ITPR2: variants seen among roughly 807,000 people sequenced by gnomAD.
ITPR2 encodes the protein inositol 1,4,5-trisphosphate-gated calcium channel ITPR2.
In ITPR2, 207 loss-of-function variants were observed where a neutral mutation model predicts 317.1. The ratio of observed to expected loss-of-function variants is 0.65; its 90% CI spans 0.58 to 0.73. ITPR2 has a LOEUF of 0.73. Among genes scored for constraint, ITPR2 ranks in the 30% least tolerant of loss-of-function variants. The pLI is 0.00. For missense variants in ITPR2, 2,613 were observed against 3,284.0 expected, an observed-to-expected ratio of 0.80 and a Z score of 4.99; for synonymous variants, 1,156 against 1,149.1, an observed-to-expected ratio of 1.01 and a Z score of -0.12.
In ITPR2 at chr12:26,486,988, G is replaced by GA. The variant is rs1268263617; in HGVS notation, c.5554+79dup. The GA allele has an allele frequency of 3.7e-6, 5 of 1,348,894 alleles. No individual in the cohort carries two copies. In the African/African-American group the frequency reaches 7.2e-5, roughly 19 times the overall value. 83.6% of individuals were successfully genotyped at this position (1,348,894 alleles called of 1,614,324 possible). On this transcript the variant is annotated intron_variant, in intron 40 of 56. Transcript: ENST00000381340. ...ATAATTAAACCAAGAGAAGAGAGAC[G>GA]AAAAATGTTAATGAGATTTAAACGC...
chr12:26,418,553 A>G (rs1176732021), intron 50 of ITPR2, among the ~76,000 whole-genome samples: 1 of 152,180 alleles, frequency 6.6e-6, no homozygotes, highest in East Asian at 1.9e-4. Flanking sequence ...TATTAAACCA[A>G]AAACTATAAG....
intron 2 of ITPR2, among the ~76,000 whole-genome samples, chr12:26,764,639 A>G (rs1026841657): frequency 3.3e-5 from 5 of 151,986 alleles, no homozygotes; most frequent in African/African-American, 9.7e-5. Context: ...CCACAAAGAA[A>G]AGGAATTATT....
intron 2 of ITPR2, among the ~76,000 whole-genome samples, chr12:26,739,972 A>G (rs1023935606): frequency 3.9e-5 from 6 of 152,170 alleles, no homozygotes; most frequent in Non-Finnish European, 8.8e-5. Flanking sequence ...GGCATGTGGG[A>G]AGAGGAACAC....
intron 11 of ITPR2, among the ~76,000 whole-genome samples, chr12:26,684,012 G>A (rs1948082957): frequency 6.6e-6 from 1 of 152,212 alleles, no homozygotes; most frequent in Non-Finnish European, 1.5e-5. Context: ...CTCAGGCAAA[G>A]AGATTCATTC....
chr12:26,811,521 G>A (rs1407055351), intron 1 of ITPR2, among the ~76,000 whole-genome samples: 3 of 151,300 alleles, frequency 2.0e-5, no homozygotes, highest in East Asian at 2.0e-4. Flanking sequence ...CGAGGCGGGC[G>A]GATCACGAGG....
At chr12:26,349,639 G>T (rs1488084534) in intron 55 of ITPR2, among the ~76,000 whole-genome samples, 1 of 152,224 alleles carries the variant, frequency 6.6e-6, no homozygotes. Flanking sequence ...AGCATCCTTG[G>T]TTAGCTGAGG....
At chr12:26,648,676 G>A (rs1947170321) in intron 21 of ITPR2, 1 of 151,832 alleles carries the variant, frequency 6.6e-6, no homozygotes, top group African/African-American at 2.4e-5. Context: ...TGATGATACA[G>A]AGTATTGTAA....
intron 51 of ITPR2, among the ~76,000 whole-genome samples, chr12:26,414,919 T>C (rs567014352): frequency 4.6e-5 from 7 of 152,254 alleles, no homozygotes; most frequent in African/African-American, 1.2e-4. Flanking sequence ...TGATCAAACA[T>C]GTATGGAATA....
rs1309746814 is a variant in ITPR2, at chr12:26,784,625, G to T, written c.163+5532C>A. On this transcript the variant is annotated intron_variant, in intron 2 of 56. Coordinates refer to ENST00000381340, the MANE Select transcript of ITPR2 (RefSeq NM_002223.4). ...TCCCGAGGTGCCGGGATTGCAGACG[G>T]AGTCTTGTTCACTCGGTGCTCAATG... Among the ~76,000 whole-genome samples the T allele has an allele frequency of 4.4e-3, 663 of 151,664 alleles. 1 individual carries two copies. The highest frequency in any genetic ancestry group is 0.014 in the African/African-American group (585 of 41,296).
chr12:26,523,522 CTTT>C (rs564468146), intron 37 of ITPR2, among the ~76,000 whole-genome samples: 124 of 137,986 alleles, frequency 9.0e-4, no homozygotes, highest in Non-Finnish European at 1.3e-3. Flanking sequence ...ATGGCAAAAT[CTTT>C]TTTTTTTTTT....
intron 26 of ITPR2, among the ~76,000 whole-genome samples, chr12:26,616,031 A>G (rs557714933): frequency 5.3e-5 from 8 of 152,286 alleles, no homozygotes; most frequent in African/African-American, 1.9e-4. Flanking sequence ...GAGAAATGAT[A>G]TCATAATAAC....
At chr12:26,684,163 A>G (rs1296473254) in intron 11 of ITPR2, among the ~76,000 whole-genome samples, 2 of 152,258 alleles carry the variant, frequency 1.3e-5, no homozygotes, top group Non-Finnish European at 2.9e-5. Context: ...CATCTTCTGC[A>G]TTGAATTACA....
At position 26,739,628 on chromosome 12, in the gene ITPR2, G is replaced by A. The variant is rs577908276; in HGVS notation, c.164-13863C>T. ...ACTATAGCATCCAAAAGAAGGTCAG[G>A]GGTTACCTGGAAGTGGGGTGGAAGC... On this transcript the variant is annotated intron_variant, in intron 2 of 56. Transcript: ENST00000381340. 1.2e-3 allele frequency among the ~76,000 whole-genome samples: 186 copies of A among 152,266 alleles called. 3 individuals are homozygous for A. The highest frequency in any genetic ancestry group is 3.2e-4 in the Non-Finnish European group (22 of 68,018).
intron 37 of ITPR2, among the ~76,000 whole-genome samples, chr12:26,546,604 G>A (rs996036628): frequency 1.3e-5 from 2 of 152,020 alleles, no homozygotes; most frequent in African/African-American, 2.4e-5. Flanking sequence ...GCAATCCTGA[G>A]TGAAAAGAAC....
intron 49 of ITPR2, among the ~76,000 whole-genome samples, chr12:26,425,379 C>G (rs1482165805): frequency 1.3e-5 from 2 of 151,918 alleles, no homozygotes; most frequent in Non-Finnish European, 2.9e-5. Flanking sequence ...GGTCAAAATG[C>G]TCTGAGCGGC....
chr12:26,804,804 T>C (rs11608752), intron 1 of ITPR2, among the ~76,000 whole-genome samples: 25,358 of 152,142 alleles, frequency 0.17, 2,855 homozygotes, highest in Non-Finnish European at 0.25. Context: ...GCTGCAATCC[T>C]GGCTCACTAC....
At chr12:26,391,690 G>A (rs926784320) in intron 54 of ITPR2, among the ~76,000 whole-genome samples, 1 of 148,472 alleles carries the variant, frequency 6.7e-6, no homozygotes, top group South Asian at 2.2e-4. Context: ...TCAGCCTCCC[G>A]AGTAGCTGGG....
chr12:26,757,835 T>C (rs531741623), intron 2 of ITPR2, among the ~76,000 whole-genome samples: 35 of 152,352 alleles, frequency 2.3e-4, no homozygotes, highest in African/African-American at 8.2e-4. Flanking sequence ...TCTCAGGAAA[T>C]ATCCCATACT....
intron 45 of ITPR2, among the ~76,000 whole-genome samples, chr12:26,460,010 C>T (rs1941977233): frequency 6.6e-6 from 1 of 152,204 alleles, no homozygotes; most frequent in Admixed American, 6.5e-5. Flanking sequence ...TACCTAGAAC[C>T]ATCCAAGACT....
Sources: gnomAD v4.1 joint callset for allele counts (sites outside exome capture counted in the v4.1 genomes callset) on GRCh38, gnomAD v4.1.1 for gene constraint, MANE v1.5 for transcripts, NCBI Gene and HGNC (gene_info 2026-07-23, HGNC 2026-07-21) for gene names.